Variants in WWOX observed in about 807,000 individuals in gnomAD.
WWOX encodes the protein WW domain containing oxidoreductase.
In WWOX, 69 loss-of-function variants were observed where a neutral mutation model predicts 46.2. That is an observed-to-expected ratio of 1.49 (90% CI 1.23 to 1.82). The LOEUF is 1.82. WWOX is among the 40% of genes most tolerant of loss of function. The probability of loss-of-function intolerance (pLI) is 0.00; values close to 1 mark genes in which losing one functional copy is unlikely to be tolerated. For synonymous variants in WWOX, 359 were observed against 202.6 expected (o/e 1.77, Z -6.56); for missense variants, 919 against 542.6 (o/e 1.69, Z -6.89).
chr16:78,960,169 G>A (rs2046246009), intron 8 of WWOX, among the ~76,000 whole-genome samples: 1 of 152,154 alleles, frequency 6.6e-6, no homozygotes, highest in Non-Finnish European at 1.5e-5. Flanking sequence ...ATTCCAGAAA[G>A]CCATGTTGTG....
intron 4 of WWOX, among the ~76,000 whole-genome samples, chr16:78,117,195 C>T (rs1417339870): frequency 6.6e-6 from 1 of 152,124 alleles, no homozygotes; most frequent in Non-Finnish European, 1.5e-5. Flanking sequence ...ACCTATAATT[C>T]ATTTTGTGGA....
At chr16:78,104,347 G>A (rs552720162) in intron 1 of WWOX, among the ~76,000 whole-genome samples, 3 of 136,142 alleles carry the variant, frequency 2.2e-5, no homozygotes, top group South Asian at 4.6e-4. Context: ...ACGCACGCAC[G>A]CATGCACGCA....
At chr16:78,555,977 C>T (rs2044284844) in intron 8 of WWOX, among the ~76,000 whole-genome samples, 1 of 151,992 alleles carries the variant, frequency 6.6e-6, no homozygotes, top group Non-Finnish European at 1.5e-5. Flanking sequence ...AATCGAGTGT[C>T]ATGGAGGGGA....
chr16:78,522,418 C>T (rs1161804950), intron 8 of WWOX, among the ~76,000 whole-genome samples: 3 of 152,178 alleles, frequency 2.0e-5, no homozygotes, highest in South Asian at 2.1e-4. Flanking sequence ...GGAAGCTCTC[C>T]TCTGTTTGCA....
Position 78,428,401 on chromosome 16 carries a change from G to C in WWOX, c.791+3346G>C, listed in dbSNP as rs2083136962. On this transcript the variant is annotated intron_variant, in intron 7 of 8. Coordinates refer to ENST00000566780, the MANE Select transcript of WWOX (RefSeq NM_016373.4). ...ACTTCCTGGAGGACTGTCAGTGCTA[G>C]CTAATGAGACTGTAAAAGTGGACTA... Among the ~76,000 whole-genome samples, 5 of 152,326 alleles carry C rather than the reference G, an allele frequency of 3.3e-5. No homozygotes were observed. The South Asian group carries it at 8.3e-4, about 25-fold the overall frequency.
chr16:79,013,083 T>C (rs763408615), intron 8 of WWOX, among the ~76,000 whole-genome samples: 12 of 152,092 alleles, frequency 7.9e-5, no homozygotes, highest in African/African-American at 2.9e-4. Flanking sequence ...AAAAAGGAAA[T>C]GCTACCAGTG....
At chr16:79,148,690 G>T (rs1012674946) in intron 8 of WWOX, among the ~76,000 whole-genome samples, 2 of 152,100 alleles carry the variant, frequency 1.3e-5, no homozygotes, top group Non-Finnish European at 2.9e-5. Context: ...TTACTATGTT[G>T]AGTCTTCCAG....
intron 8 of WWOX, among the ~76,000 whole-genome samples, chr16:78,953,497 G>A (rs983270245): frequency 2.7e-4 from 41 of 152,108 alleles, no homozygotes; most frequent in African/African-American, 9.4e-4. Context: ...GCTGATTTAT[G>A]GCTACATAAT....
chr16:78,168,715 G>T (rs531157003), intron 5 of WWOX, among the ~76,000 whole-genome samples: 1 of 152,288 alleles, frequency 6.6e-6, no homozygotes, highest in Admixed American at 6.5e-5. Flanking sequence ...AAGCCACTCT[G>T]ATCTACCCTG....
At chr16:78,204,475 C>G (rs1018940033) in intron 5 of WWOX, among the ~76,000 whole-genome samples, 3 of 151,756 alleles carry the variant, frequency 2.0e-5, no homozygotes, top group African/African-American at 7.3e-5. Context: ...TATAGTCACC[C>G]TGTTGTGTTG....
chr16:79,063,109 G>A (rs139960263), intron 8 of WWOX, among the ~76,000 whole-genome samples: 14 of 152,340 alleles, frequency 9.2e-5, no homozygotes, highest in Middle Eastern at 3.4e-3. Context: ...ACCAAATCTG[G>A]ATGGTGCTTT....
At chr16:78,229,007 C>G (rs1330665439) in intron 5 of WWOX, among the ~76,000 whole-genome samples, 1 of 152,064 alleles carries the variant, frequency 6.6e-6, no homozygotes, top group Non-Finnish European at 1.5e-5. Flanking sequence ...GTTTGTTATC[C>G]TGAATTATGC....
At chr16:78,484,468 G>A (rs749064696) in intron 8 of WWOX, among the ~76,000 whole-genome samples, 2 of 152,120 alleles carry the variant, frequency 1.3e-5, no homozygotes, top group African/African-American at 4.8e-5. Flanking sequence ...TTTAAATAAT[G>A]TATTCATAAA....
At chr16:78,314,561 G>A (rs2080316737) in intron 5 of WWOX, among the ~76,000 whole-genome samples, 1 of 133,276 alleles carries the variant, frequency 7.5e-6, no homozygotes, top group African/African-American at 3.0e-5. Context: ...TTTTGCTCTT[G>A]TCGCCCAGGC....
chr16:78,557,893 C>T (rs1238558172), intron 8 of WWOX, among the ~76,000 whole-genome samples: 1 of 151,922 alleles, frequency 6.6e-6, no homozygotes, highest in African/African-American at 2.4e-5. Flanking sequence ...AACAGTGTTT[C>T]ACCAGGTTGG....
Position 78,282,734 on chromosome 16 carries a change from C to T in WWOX, c.517-104126C>T, listed in dbSNP as rs572604820. Among the ~76,000 whole-genome samples the T allele has an allele frequency of 1.8e-4, 28 of 151,894 alleles. No homozygotes were observed. In the South Asian group the frequency reaches 5.4e-3, roughly 29 times the overall value. On this transcript the variant is annotated intron_variant, in intron 5 of 8. Transcript: ENST00000566780. ...TCTACTAAAAATACAAAAAATTAGC[C>T]GGGAGTGGTGGTGTTCGCCTGTAGT...
intron 8 of WWOX, among the ~76,000 whole-genome samples, chr16:78,869,775 C>G (rs1241430700): frequency 6.6e-6 from 1 of 152,190 alleles, no homozygotes; most frequent in Non-Finnish European, 1.5e-5. Flanking sequence ...CGCAGATAGC[C>G]TCTTAGCAGA....
Position 79,092,509 on chromosome 16 carries a change from T to C in WWOX, c.1057-119099T>C, listed in dbSNP as rs375540566. Among the ~76,000 whole-genome samples, 142 of 152,296 alleles carry C rather than the reference T, an allele frequency of 9.3e-4. 2 individuals are homozygous for C. The highest frequency in any genetic ancestry group is 3.3e-3 in the African/African-American group (136 of 41,574). ...CCTATACATCTTCCAGGAGCCCAGC[T>C]CTTTCCCCTGGAAATGGTTCTCTGA... On this transcript the variant is annotated intron_variant, in intron 8 of 8. Coordinates refer to ENST00000566780, the MANE Select transcript of WWOX (RefSeq NM_016373.4).
intron 8 of WWOX, among the ~76,000 whole-genome samples, chr16:78,677,312 C>T (rs1321685563): frequency 2.0e-5 from 3 of 152,194 alleles, no homozygotes; most frequent in African/African-American, 7.2e-5. Context: ...ATTACGTACA[C>T]TCTGCCAGAG....
Sources: allele counts gnomAD v4.1 joint callset (sites outside exome capture counted in the v4.1 genomes callset), GRCh38; gene constraint gnomAD v4.1.1; transcripts MANE v1.5; gene names NCBI Gene and HGNC (gene_info 2026-07-23, HGNC 2026-07-21).